Variants in GRIP1 observed in about 807,000 individuals in gnomAD.
GRIP1 encodes glutamate receptor interacting protein 1, also known as glutamate receptor-interacting protein 1.
A neutral mutation model predicts 129.9 loss-of-function variants in GRIP1; 45 were observed. That is an observed-to-expected ratio of 0.35 (90% confidence interval 0.27 to 0.44). The LOEUF is 0.44. GRIP1 is among the 20% of genes least tolerant of loss of function. The probability of loss-of-function intolerance (pLI) is 1.00; values close to 1 mark genes in which losing one functional copy is unlikely to be tolerated. For synonymous variants in GRIP1, 530 were observed against 520.8 expected (o/e 1.02, Z -0.24); for missense variants, 1,196 against 1,396.8 (o/e 0.86, Z 2.29).
intron 1 of GRIP1, among the ~76,000 whole-genome samples, chr12:66,975,200 G>A (rs960922456): frequency 6.6e-6 from 1 of 152,122 alleles, no homozygotes; most frequent in Non-Finnish European, 1.5e-5. Flanking sequence ...ACATCACAAT[G>A]AAAACACCTC....
intron 1 of GRIP1, among the ~76,000 whole-genome samples, chr12:66,818,235 A>G (rs772450651): frequency 6.6e-6 from 1 of 152,186 alleles, no homozygotes; most frequent in Non-Finnish European, 1.5e-5. Context: ...TTCATGTTTC[A>G]TTATACAATA....
chr12:66,647,328 C>A lies in GRIP1; in HGVS notation c.55+31522G>T, dbSNP rs532759676. 5 of 152,246 alleles carry A rather than the reference C, an allele frequency of 3.3e-5. No individual in the cohort carries two copies. In the South Asian group the frequency reaches 1.0e-3, roughly 32 times the overall value. The allele number at this position is 152,246 out of a possible 1,614,324, so 9.4% of individuals were successfully genotyped here. On this transcript the variant is annotated intron_variant, in intron 1 of 24. Transcript: ENST00000359742. Reference sequence around the variant, plus strand: ...AAGATTAAATACTTACTTTTTCAGCCCTTTGAAATTTAGGTGGACATGTTG... The same window carrying A: ...AAGATTAAATACTTACTTTTTCAGCACTTTGAAATTTAGGTGGACATGTTG...
At chr12:66,444,480 G>A (rs1239556082) in intron 13 of GRIP1, 104 bp downstream of exon 13, 22 of 947,012 alleles carry the variant, frequency 2.3e-5, no homozygotes, top group Admixed American at 4.4e-5. Flanking sequence ...GCGACAGAGC[G>A]AGACTCCGTC....
chr12:66,827,387 T>TGTGTGTGTGTGAGAGAGA lies in GRIP1; in HGVS notation c.59-230461_59-230460insTCTCTCTCACACACACAC, dbSNP rs755458052. On this transcript the variant is annotated intron_variant, in intron 1 of 1. Coordinates refer to the GRIP1 transcript ENST00000643019. Reference sequence around the variant, plus strand: ...AGGTGTGTGTGTGTGTGTGTGTGTGTGAGAGAGAGAGAGAGAGAGAGAGAG... The same window carrying TGTGTGTGTGTGAGAGAGA: ...AGGTGTGTGTGTGTGTGTGTGTGTGTGTGTGTGTGTGAGAGAGAGAGAGAGAGAGAGAGAGAGAGAGAG... 2.6e-3 allele frequency among the ~76,000 whole-genome samples: 285 copies of TGTGTGTGTGTGAGAGAGA among 108,256 alleles called. 4 individuals are homozygous for TGTGTGTGTGTGAGAGAGA. The highest frequency in any genetic ancestry group is 6.2e-3 in the East Asian group (17 of 2,756). 71.0% of individuals were successfully genotyped at this position (108,256 alleles called of 152,430 possible).
intron 1 of GRIP1, among the ~76,000 whole-genome samples, chr12:66,997,537 G>C (rs535841869): frequency 6.6e-6 from 1 of 152,070 alleles, no homozygotes; most frequent in East Asian, 1.9e-4. Context: ...ACAGAAAATG[G>C]AATAAGAATG....
intron 7 of GRIP1, among the ~76,000 whole-genome samples, chr12:66,497,913 A>G (rs2138737740): frequency 6.6e-6 from 1 of 152,270 alleles, no homozygotes; most frequent in East Asian, 1.9e-4. Context: ...ACATTCCACC[A>G]CAAAAGAAGT....
chr12:66,645,764 T>A (rs1325924839), intron 1 of GRIP1, among the ~76,000 whole-genome samples: 1 of 152,358 alleles, frequency 6.6e-6, no homozygotes, highest in East Asian at 1.9e-4. Flanking sequence ...ATCAGCTTTC[T>A]ATAGATAATT....
intron 1 of GRIP1, among the ~76,000 whole-genome samples, chr12:67,026,395 C>T (rs900323549): frequency 6.6e-6 from 1 of 152,140 alleles, no homozygotes; most frequent in Admixed American, 6.6e-5. Flanking sequence ...TTTTGACTTC[C>T]ATAGTGTCCC....
intron 1 of GRIP1, among the ~76,000 whole-genome samples, chr12:66,694,102 G>A (rs2035071730): frequency 6.6e-6 from 1 of 152,080 alleles, no homozygotes; most frequent in African/African-American, 2.4e-5. Flanking sequence ...CATCTGCTGG[G>A]GAAAATGTGT....
chr12:66,965,457 C>T (rs1206867866), intron 1 of GRIP1, among the ~76,000 whole-genome samples: 1 of 151,742 alleles, frequency 6.6e-6, no homozygotes, highest in Non-Finnish European at 1.5e-5. Context: ...CTTCAGTCTA[C>T]ACTCCAAAGA....
intron 1 of GRIP1, among the ~76,000 whole-genome samples, chr12:66,953,431 C>G (rs1457290905): frequency 1.3e-5 from 2 of 152,164 alleles, no homozygotes; most frequent in African/African-American, 4.8e-5. Flanking sequence ...CTGGCAGCAA[C>G]CTGTGAATTG....
chr12:66,625,795 A>C (rs1022008067), intron 1 of GRIP1, among the ~76,000 whole-genome samples: 8 of 152,208 alleles, frequency 5.3e-5, no homozygotes, highest in Admixed American at 2.6e-4. Flanking sequence ...TTTGATAAAA[A>C]TATAAATAGA....
chr12:66,476,022 G>A (rs1329997544), intron 7 of GRIP1, among the ~76,000 whole-genome samples: 3 of 152,082 alleles, frequency 2.0e-5, no homozygotes, highest in Non-Finnish European at 4.4e-5. Context: ...TAAGATCAGA[G>A]GAGAACTGAA....
At chr12:66,938,786 A>G (rs145506837) in intron 1 of GRIP1, among the ~76,000 whole-genome samples, 2,075 of 152,082 alleles carry the variant, frequency 0.014, 37 homozygotes, top group African/African-American at 0.035. Context: ...GTGAAACCCC[A>G]TCTCCACTAA....
chr12:66,579,576 C>A (rs2063289431), intron 2 of GRIP1, among the ~76,000 whole-genome samples: 1 of 152,148 alleles, frequency 6.6e-6, no homozygotes, highest in Non-Finnish European at 1.5e-5. Flanking sequence ...GCTGATGAAG[C>A]TGAAAGCCAA....
intron 17 of GRIP1, among the ~76,000 whole-genome samples, chr12:66,393,405 C>G (rs1172525742): frequency 6.6e-6 from 1 of 151,886 alleles, no homozygotes; most frequent in Non-Finnish European, 1.5e-5. Context: ...TTGAACTGAC[C>G]TCGTGATCCA....
intron 1 of GRIP1, among the ~76,000 whole-genome samples, chr12:66,761,255 T>C (rs2037466155): frequency 6.6e-6 from 1 of 152,044 alleles, no homozygotes; most frequent in Non-Finnish European, 1.5e-5. Context: ...CACTCAAAAA[T>C]TTCCACGGAT....
At chr12:66,520,606 C>T (rs7294455) in intron 5 of GRIP1, among the ~76,000 whole-genome samples, 71,990 of 151,994 alleles carry the variant, frequency 0.47, 17,298 homozygotes, top group African/African-American at 0.56. Flanking sequence ...TCTAAGCTCA[C>T]ATTATAAAAC....
intron 1 of GRIP1, among the ~76,000 whole-genome samples, chr12:66,809,874 T>C (rs2039070016): frequency 6.6e-6 from 1 of 152,110 alleles, no homozygotes. Context: ...CTGGCTGATC[T>C]TGAACTCCGG....
Sources: allele counts gnomAD v4.1 joint callset (sites outside exome capture counted in the v4.1 genomes callset), GRCh38; gene constraint gnomAD v4.1.1; transcripts MANE v1.5; gene names NCBI Gene and HGNC (gene_info 2026-07-23, HGNC 2026-07-21).